CDKN2A: variants seen among roughly 807,000 people sequenced by gnomAD.
CDKN2A encodes cyclin-dependent kinase inhibitor 2A.
A neutral mutation model predicts 11.1 loss-of-function variants in CDKN2A; 3 were observed. The ratio of observed to expected loss-of-function variants is 0.27; its 90% CI spans 0.12 to 0.70. The LOEUF is 0.70. CDKN2A is among the 30% of genes least tolerant of loss of function. The pLI, the probability that CDKN2A is intolerant of heterozygous loss-of-function variation, is 0.77. For synonymous variants in CDKN2A, 122 were observed against 108.1 expected, an observed-to-expected ratio of 1.13 and a Z score of -0.80; for missense variants, 265 against 233.6, an observed-to-expected ratio of 1.13 and a Z score of -0.88.
rs927548729 is a variant in CDKN2A, at chr9:21,995,210, C to T, written c.-565G>A. The T allele has an allele frequency of 1.3e-5, 2 of 152,258 alleles. No individual in the cohort carries two copies. Among genetic ancestry groups the T allele is most frequent in the African/African-American group, 4.8e-5 (2 of 41,474 alleles). 9.4% of individuals were successfully genotyped at this position (152,258 alleles called of 1,614,324 possible). ...TCCCAGCTGGGTCCGGGCGCCCATT[C>T]CCCTCCCAGCTGCCCGCGTCGCCGA... On this transcript the variant is annotated 5_prime_UTR_variant, in exon 1 of 4. Coordinates refer to the CDKN2A transcript ENST00000494262. This position sits in a 1 kb window ranked among gnomAD's most constrained non-coding sequence, Gnocchi z 5.7.
upstream of CDKN2A, among the ~76,000 whole-genome samples, chr9:21,977,672 G>A (rs570680506): frequency 4.5e-4 from 69 of 152,176 alleles, 2 homozygotes; most frequent in South Asian, 0.014. Flanking sequence ...GGCCTACAGT[G>A]GTTCTTAATG....
chr9:21,992,614 A>T (rs1820453331), intron 2 of CDKN2A: 1 of 241,558 alleles, frequency 4.1e-6, no homozygotes, highest in Admixed American at 6.5e-5. Context: ...TTATAGGCCT[A>T]AACTAAAAAA....
At chr9:21,975,144 C>A (rs1819987169), upstream of CDKN2A, 1 of 1,204,862 alleles carries the variant, frequency 8.3e-7, no homozygotes, top group Non-Finnish European at 1.0e-6. Context: ...CCAGAGCCAG[C>A]GTTGGCAAGG....
At chr9:21,990,215 A>ACTCT in intron 2 of CDKN2A, among the ~76,000 whole-genome samples, 1 of 152,132 alleles carries the variant, frequency 6.6e-6, no homozygotes, top group African/African-American at 2.4e-5. Flanking sequence ...CTGTGACCAG[A>ACTCT]GGCCTAACAC....
intron 2 of CDKN2A, among the ~76,000 whole-genome samples, chr9:21,969,265 G>T (rs1819574125): frequency 6.6e-6 from 1 of 152,142 alleles, no homozygotes; most frequent in African/African-American, 2.4e-5. Context: ...GCGTGCACCT[G>T]TGGTCCCAGC....
upstream of CDKN2A, chr9:21,975,076 C>T (rs931189501): frequency 2.3e-6 from 3 of 1,317,222 alleles, no homozygotes; most frequent in Non-Finnish European, 2.9e-6. Context: ...AATGTGGCAC[C>T]CCTGAAGTCG....
In CDKN2A at chr9:21,985,948, T is replaced by C. The variant is rs117447159; in HGVS notation, c.-4+7934A>G. The stretch of plus-strand genomic sequence containing the variant: ...GAAGTAGGTATTTACTGTAAAAAAC[T>C]AATGTGCTTTCTTAAGGGCATAGTT... On this transcript the variant is annotated intron_variant, in intron 2 of 3. Coordinates refer to the CDKN2A transcript ENST00000494262. Among the ~76,000 whole-genome samples, 1,038 of 152,126 alleles carry C rather than the reference T, an allele frequency of 6.8e-3. 3 individuals are homozygous for C. The highest frequency in any genetic ancestry group is 9.4e-3 in the Non-Finnish European group (636 of 67,844).
chr9:21,968,920 A>G lies in CDKN2A; in HGVS notation c.458-678T>C. The G allele has an allele frequency of 1.3e-6, 1 of 793,886 alleles. No homozygotes were observed. Among genetic ancestry groups the G allele is most frequent in the Admixed American group, 2.2e-5 (1 of 44,680 alleles). 49.2% of individuals were successfully genotyped at this position (793,886 alleles called of 1,614,324 possible). On this transcript the variant is annotated intron_variant, in intron 2 of 2. Coordinates refer to ENST00000304494, the MANE Select transcript of CDKN2A (RefSeq NM_000077.5). The surrounding 1 kb of genome is among the most constrained non-coding windows in gnomAD (Gnocchi z 4.7). The stretch of plus-strand genomic sequence containing the variant: ...CTCAAGATTATTTTATTCCTGAGGG[A>G]GCATTTGCACTTGAAAGTCTCTTTT...
chr9:21,985,983 A>G (rs1820290387), intron 2 of CDKN2A, among the ~76,000 whole-genome samples: 1 of 152,168 alleles, frequency 6.6e-6, no homozygotes, highest in Admixed American at 6.5e-5. Context: ...TTAATTAGGC[A>G]CTATAATAAC....
intron 2 of CDKN2A, chr9:21,970,428 A>G (rs2518719): frequency 0.12 from 40,484 of 350,418 alleles, 2,782 homozygotes; most frequent in Non-Finnish European, 0.14. Flanking sequence ...AGTTGTGCAG[A>G]AGAGCCGAGA....
At chr9:21,979,543 C>A (rs1411738607), upstream of CDKN2A, among the ~76,000 whole-genome samples, 1 of 152,028 alleles carries the variant, frequency 6.6e-6, no homozygotes, top group Non-Finnish European at 1.5e-5. Context: ...CAAAGTACAG[C>A]GGTGGTTATA....
At chr9:21,983,400 C>G (rs1820239001) in intron 2 of CDKN2A, among the ~76,000 whole-genome samples, 1 of 151,996 alleles carries the variant, frequency 6.6e-6, no homozygotes, top group South Asian at 2.1e-4. Flanking sequence ...CTTTTTCTAA[C>G]TTATTACAGC....
chr9:21,993,816 TGTGTGTG>T (rs1371345680), intron 2 of CDKN2A: 18 of 447,608 alleles, frequency 4.0e-5, no homozygotes, highest in Non-Finnish European at 7.4e-5. Context: ...TGTGTGTGTG[TGTGTGTG>T]TGTGTGTGTG....
At chr9:21,969,726 C>T (rs892122341) in intron 2 of CDKN2A, 5 of 394,250 alleles carry the variant, frequency 1.3e-5, no homozygotes, top group Middle Eastern at 1.3e-3. Context: ...AATCGGGACC[C>T]GGATGCTAGC....
At chr9:21,982,812 T>A (rs1229754156) in intron 2 of CDKN2A, among the ~76,000 whole-genome samples, 1 of 152,162 alleles carries the variant, frequency 6.6e-6, no homozygotes, top group Admixed American at 6.5e-5. Context: ...TATGTGTAAT[T>A]TATAATTCCA....
chr9:21,984,734 G>A (rs1820265683), intron 2 of CDKN2A, among the ~76,000 whole-genome samples: 1 of 151,786 alleles, frequency 6.6e-6, no homozygotes, highest in Admixed American at 6.6e-5. Context: ...CTAATTTCAG[G>A]GGCACCATCT....
In CDKN2A at chr9:21,967,992, G is replaced by A; in HGVS notation, c.*237C>T. On this transcript the variant is annotated 3_prime_UTR_variant, in exon 3 of 3. Coordinates refer to ENST00000304494, the MANE Select transcript of CDKN2A (RefSeq NM_000077.5). Reference sequence around the variant, plus strand: ...AACACAGTGAAAAGGCAGAAGCGGTGTTTTTCTTTTTTACATTTTTATAAG... The same window carrying A: ...AACACAGTGAAAAGGCAGAAGCGGTATTTTTCTTTTTTACATTTTTATAAG... 1 of 546,786 alleles carries A rather than the reference G, an allele frequency of 1.8e-6. No individual in the cohort carries two copies. Among genetic ancestry groups the A allele is most frequent in the Non-Finnish European group, 3.2e-6 (1 of 308,622 alleles). The allele number at this position is 546,786 out of a possible 1,614,324, so 33.9% of individuals were successfully genotyped here.
intron 2 of CDKN2A, among the ~76,000 whole-genome samples, chr9:21,986,387 A>AT (rs1204227321): frequency 4.6e-5 from 7 of 152,040 alleles, no homozygotes; most frequent in African/African-American, 1.7e-4. Flanking sequence ...ACCAATAAAT[A>AT]TTTACTGTGA....
upstream of CDKN2A, among the ~76,000 whole-genome samples, chr9:21,978,607 C>G (rs1259812064): frequency 6.6e-6 from 1 of 152,158 alleles, no homozygotes; most frequent in African/African-American, 2.4e-5. Flanking sequence ...CTTACTTTTC[C>G]TCTTTCCTGA....
Sources: allele counts gnomAD v4.1 joint callset (sites outside exome capture counted in the v4.1 genomes callset), GRCh38; gene constraint gnomAD v4.1.1; non-coding constraint Gnocchi (gnomAD v3.1); transcripts MANE v1.5; gene names NCBI Gene and HGNC (gene_info 2026-07-23, HGNC 2026-07-21).